CDC37L1: variants seen among roughly 807,000 people sequenced by gnomAD.
The protein encoded by CDC37L1 is cell division cycle 37 like 1, HSP90 cochaperone.
In CDC37L1, 32 loss-of-function variants were observed where a neutral mutation model predicts 45.9. That is an observed-to-expected ratio of 0.70 (90% confidence interval 0.53 to 0.94). CDC37L1 has a LOEUF of 0.94. Ranked by LOEUF, CDC37L1 falls within the 40% of genes least tolerant of loss-of-function variation. CDC37L1 has a pLI of 0.00. For missense variants in CDC37L1, 434 were observed against 405.7 expected, an observed-to-expected ratio of 1.07 and a Z score of -0.60; for synonymous variants, 150 against 133.0, an observed-to-expected ratio of 1.13 and a Z score of -0.88.
At chr9:4,703,651 T>G (rs1008096188) in intron 6 of CDC37L1, among the ~76,000 whole-genome samples, 4 of 152,140 alleles carry the variant, frequency 2.6e-5, no homozygotes, top group East Asian at 1.9e-4. Context: ...AAAAGAGACT[T>G]TGGAAGGATG....
intron 3 of CDC37L1, among the ~76,000 whole-genome samples, chr9:4,693,580 G>C (rs1383855059): frequency 6.6e-6 from 1 of 152,188 alleles, no homozygotes; most frequent in Non-Finnish European, 1.5e-5. Context: ...GAAGGTTGAT[G>C]ATGGATTGAG....
chr9:4,695,604 G>A (rs1471604491), intron 3 of CDC37L1, among the ~76,000 whole-genome samples: 5 of 152,050 alleles, frequency 3.3e-5, no homozygotes, highest in South Asian at 2.1e-4. Flanking sequence ...AAGTGATCCT[G>A]CCCCCTCAGA....
intron 3 of CDC37L1, among the ~76,000 whole-genome samples, chr9:4,694,954 T>A (rs957775532): frequency 6.6e-6 from 1 of 152,180 alleles, no homozygotes; most frequent in Non-Finnish European, 1.5e-5. Flanking sequence ...TTATCCTTCC[T>A]GCAAAATAAA....
chr9:4,701,722 G>A, intron 5 of CDC37L1, 142 bp from the exon 6 acceptor site: 2 of 517,026 alleles, frequency 3.9e-6, no homozygotes, highest in Non-Finnish European at 6.7e-6. Context: ...AAATGTGACA[G>A]GGATCGTGGT....
intron 1 of CDC37L1, among the ~76,000 whole-genome samples, chr9:4,683,058 A>G (rs1259768882): frequency 7.0e-6 from 1 of 143,644 alleles, no homozygotes; most frequent in African/African-American, 2.5e-5. Flanking sequence ...TTTAAAATAT[A>G]TTTTAAAATA....
chr9:4,682,676 T>G (rs1434016076), intron 1 of CDC37L1, among the ~76,000 whole-genome samples: 1 of 151,536 alleles, frequency 6.6e-6, no homozygotes, highest in Admixed American at 6.6e-5. Context: ...TTTCGCCATG[T>G]TGGCCAAGCT....
chr9:4,700,707 A>G (rs1420402280), intron 5 of CDC37L1, among the ~76,000 whole-genome samples: 1 of 152,196 alleles, frequency 6.6e-6, no homozygotes, highest in Non-Finnish European at 1.5e-5. Context: ...TCCAGGGACT[A>G]TTCTAAGCAC....
intron 6 of CDC37L1, among the ~76,000 whole-genome samples, chr9:4,703,370 A>G (rs1033977880): frequency 2.6e-5 from 4 of 152,090 alleles, no homozygotes; most frequent in African/African-American, 9.7e-5. Flanking sequence ...AAAAAAAAAA[A>G]AAGTCTCAAG....
chr9:4,684,815 G>A, intron 1 of CDC37L1, 62 bp from the exon 2 acceptor site: 1 of 1,226,464 alleles, frequency 8.2e-7, no homozygotes, highest in South Asian at 1.4e-5. Context: ...AAGAAAAATT[G>A]AACTGTGCTG....
At chr9:4,701,701 G>A (rs1841398111) in intron 5 of CDC37L1, among the ~76,000 whole-genome samples, 163 bp from the exon 6 acceptor site, 1 of 152,128 alleles carries the variant, frequency 6.6e-6, no homozygotes, top group Non-Finnish European at 1.5e-5. Context: ...TATAAATCAG[G>A]TAGTTTTCAC....
chr9:4,685,279 T>A (rs938587820), intron 2 of CDC37L1, 121 bp downstream of exon 2: 1 of 799,388 alleles, frequency 1.3e-6, no homozygotes, highest in Non-Finnish European at 2.0e-6. Context: ...TTTGACAGTT[T>A]ATGAAAGGTG....
At position 4,706,836 on chromosome 9, in the gene CDC37L1, A is replaced by C. The variant is rs1841447334; in HGVS notation, c.*724A>C. 7.3e-6 allele frequency: 1 copy of C among 137,558 alleles called. No individual in the cohort carries two copies. Among genetic ancestry groups the C allele is most frequent in the African/African-American group, 2.9e-5 (1 of 34,024 alleles). The allele number at this position is 137,558 out of a possible 1,614,324, so 8.5% of individuals were successfully genotyped here. On this transcript the variant is annotated 3_prime_UTR_variant, in exon 7 of 7. Coordinates refer to ENST00000381854, the MANE Select transcript of CDC37L1 (RefSeq NM_017913.4). ...TGAGCTAATATAGATTTTCTTTTTAAATAAGAATAACTTCAAGCTCACTCT... is the reference window on the plus strand; with the variant it reads ...TGAGCTAATATAGATTTTCTTTTTACATAAGAATAACTTCAAGCTCACTCT...
At chr9:4,699,698 C>T (rs949938216) in intron 5 of CDC37L1, among the ~76,000 whole-genome samples, 2 of 151,802 alleles carry the variant, frequency 1.3e-5, no homozygotes, top group Non-Finnish European at 2.9e-5. Flanking sequence ...ATAATGATAA[C>T]CTCAGGGAGG....
Position 4,679,580 on chromosome 9 carries a change from C to T in CDC37L1, c.-188C>T, listed in dbSNP as rs932881718. 7.7e-6 allele frequency: 4 copies of T among 521,010 alleles called. No homozygotes were observed. The highest frequency in any genetic ancestry group is 2.0e-5 in the African/African-American group (1 of 50,566). 32.3% of individuals were successfully genotyped at this position (521,010 alleles called of 1,614,324 possible). ...CGCGCCGACTATTTCTTCCGCCGTC[C>T]GCCGGTGGCGAGGCCCAGGCTGTCG... On this transcript the variant is annotated 5_prime_UTR_variant, in exon 1 of 7. Coordinates refer to ENST00000381854, the MANE Select transcript of CDC37L1 (RefSeq NM_017913.4).
intron 3 of CDC37L1, among the ~76,000 whole-genome samples, chr9:4,693,998 ATTTGTATACAAG>A (rs1180085218): frequency 6.6e-6 from 1 of 152,192 alleles, no homozygotes; most frequent in Non-Finnish European, 1.5e-5. Flanking sequence ...GTTACTCTCC[ATTTGTATACAAG>A]TTTGTTTACA....
Position 4,679,610 on chromosome 9 carries a change from G to A in CDC37L1, c.-158G>A. 5 of 619,078 alleles carry A rather than the reference G, an allele frequency of 8.1e-6. 1 individual carries two copies. The highest frequency in any genetic ancestry group is 1.4e-5 in the Non-Finnish European group (5 of 370,100). The allele number at this position is 619,078 out of a possible 1,614,324, so 38.3% of individuals were successfully genotyped here. On this transcript the variant is annotated 5_prime_UTR_variant, in exon 1 of 7. It adds an upstream start codon to the 5' untranslated region. Coordinates refer to ENST00000381854, the MANE Select transcript of CDC37L1 (RefSeq NM_017913.4). The stretch of plus-strand genomic sequence containing the variant: ...GTGGCGAGGCCCAGGCTGTCGCCGG[G>A]TGTGCAGCGGCGTCGCGGCCAGTAG...
In CDC37L1 at chr9:4,679,604, C is replaced by T. The variant is rs114330094; in HGVS notation, c.-164C>T. On this transcript the variant is annotated 5_prime_UTR_variant, in exon 1 of 7. Coordinates refer to ENST00000381854, the MANE Select transcript of CDC37L1 (RefSeq NM_017913.4). Reference sequence around the variant, plus strand: ...CCGCCGGTGGCGAGGCCCAGGCTGTCGCCGGGTGTGCAGCGGCGTCGCGGC... The same window carrying T: ...CCGCCGGTGGCGAGGCCCAGGCTGTTGCCGGGTGTGCAGCGGCGTCGCGGC... The T allele has an allele frequency of 2.8e-3, 1,689 of 600,736 alleles. 17 individuals are homozygous for T. The African/African-American group carries it at 0.03, about 11-fold the overall frequency. The allele number at this position is 600,736 out of a possible 1,614,324, so 37.2% of individuals were successfully genotyped here.
At chr9:4,697,943 G>T (rs572932550) in intron 5 of CDC37L1, 64 bp downstream of exon 5, 3 of 1,498,380 alleles carry the variant, frequency 2.0e-6, no homozygotes, top group Non-Finnish European at 2.8e-6. Flanking sequence ...TCTTTGTTCT[G>T]TTCATATCAA....
At chr9:4,683,480 A>G (rs911706999) in intron 1 of CDC37L1, among the ~76,000 whole-genome samples, 3 of 152,168 alleles carry the variant, frequency 2.0e-5, no homozygotes, top group Non-Finnish European at 4.4e-5. Flanking sequence ...AGTTACCTCG[A>G]AGAAAGAGGA....
Sources: allele counts gnomAD v4.1 joint callset (sites outside exome capture counted in the v4.1 genomes callset), GRCh38; gene constraint gnomAD v4.1.1; transcripts MANE v1.5; gene names NCBI Gene and HGNC (gene_info 2026-07-23, HGNC 2026-07-21).